CCDC148: variants seen among roughly 807,000 people sequenced by gnomAD.
CCDC148 encodes the protein coiled-coil domain-containing protein 148.
Under a neutral mutation model 85.7 loss-of-function variants are expected in CCDC148, and 89 were observed. The ratio of observed to expected loss-of-function variants is 1.04; its 90% CI spans 0.87 to 1.24. CCDC148 has a LOEUF of 1.24. CCDC148 is among the 50% of genes most tolerant of loss of function. The pLI is 0.00. For missense variants in CCDC148, 692 were observed against 671.7 expected (o/e 1.03, Z -0.33); for synonymous variants, 230 against 213.9 (o/e 1.08, Z -0.66).
At chr2:158,174,764 T>C (rs113214611) in intron 13 of CCDC148, among the ~76,000 whole-genome samples, 2 of 152,038 alleles carry the variant, frequency 1.3e-5, no homozygotes, top group Non-Finnish European at 2.9e-5. Flanking sequence ...TAAGTACTTG[T>C]GAAACTAAAC....
chr2:158,437,167 A>T (rs574353204), intron 1 of CCDC148, among the ~76,000 whole-genome samples: 1 of 152,298 alleles, frequency 6.6e-6, no homozygotes, highest in Non-Finnish European at 1.5e-5. Flanking sequence ...TGGCAGAGAC[A>T]CAACCAAAAA....
chr2:158,390,203 C>T (rs1559114964), intron 1 of CCDC148, among the ~76,000 whole-genome samples: 1 of 152,128 alleles, frequency 6.6e-6, no homozygotes, highest in Non-Finnish European at 1.5e-5. Flanking sequence ...TTGAAACTTA[C>T]ATATTATATG....
Position 158,338,892 on chromosome 2 carries a change from A to C in CCDC148, c.598T>G (p.Leu200Val). The change falls in exon 7 of 14, where the codon TTG becomes GTG. Residue 200 changes from leucine (L) to valine (V), a missense_variant. Physicochemically the swap from Leu to Val is conservative, Grantham distance 32. Coordinates refer to ENST00000283233, the MANE Select transcript of CCDC148 (RefSeq NM_138803.4). Reference sequence around the variant, plus strand: ...CTAAGCGGGTTAGTCTTTTCTTCCAAAGAATGATCTAGAATCTGAAAAAAA... The same window carrying C: ...CTAAGCGGGTTAGTCTTTTCTTCCACAGAATGATCTAGAATCTGAAAAAAA... ...DWSIKILDHS[L>V]EEKTNPLSEL... The C allele has an allele frequency of 1.2e-6, 2 of 1,604,472 alleles. No homozygotes were observed. Among genetic ancestry groups the C allele is most frequent in the Non-Finnish European group, 1.7e-6 (2 of 1,177,506 alleles).
intron 1 of CCDC148, among the ~76,000 whole-genome samples, chr2:158,403,729 A>G (rs1190251169): frequency 6.6e-6 from 1 of 151,874 alleles, no homozygotes; most frequent in Non-Finnish European, 1.5e-5. Flanking sequence ...AACACGAAAC[A>G]CTGTTTTGTC....
chr2:158,228,580 T>C (rs1412548942), intron 10 of CCDC148, among the ~76,000 whole-genome samples: 1 of 152,150 alleles, frequency 6.6e-6, no homozygotes, highest in African/African-American at 2.4e-5. Context: ...AATGATAGAC[T>C]GGATTAAGAT....
intron 7 of CCDC148, among the ~76,000 whole-genome samples, chr2:158,326,321 A>G (rs531122873): frequency 6.6e-6 from 1 of 152,304 alleles, no homozygotes; most frequent in Non-Finnish European, 1.5e-5. Flanking sequence ...ACTTAAAATT[A>G]CAGTCTGCCA....
At chr2:158,172,558 C>G (rs979361438) in intron 13 of CCDC148, among the ~76,000 whole-genome samples, 4 of 152,008 alleles carry the variant, frequency 2.6e-5, no homozygotes, top group African/African-American at 9.7e-5. Context: ...TTCAGTGCTA[C>G]TATTGATTTA....
Position 158,356,560 on chromosome 2 carries a change from T to C in CCDC148, c.147+1889A>G, listed in dbSNP as rs1007691196. Among the ~76,000 whole-genome samples, 1,126 of 152,022 alleles carry C rather than the reference T, an allele frequency of 7.4e-3. 19 individuals are homozygous for C. Among genetic ancestry groups the C allele is most frequent in the African/African-American group, 0.026 (1,074 of 41,416 alleles). ...CATCTCACAACAGTTAGAATGGTGA[T>C]CATTAAAAAGTCAGGAAACAACAGG... On this transcript the variant is annotated intron_variant, in intron 2 of 13. Transcript: ENST00000283233.
chr2:158,243,617 T>C (rs1205611676), intron 10 of CCDC148, among the ~76,000 whole-genome samples: 1 of 152,142 alleles, frequency 6.6e-6, no homozygotes, highest in Admixed American at 6.6e-5. Context: ...AGAAGCACCG[T>C]TGATCTCCCA....
chr2:158,175,919 C>T (rs1236430534), intron 13 of CCDC148, among the ~76,000 whole-genome samples: 1 of 152,022 alleles, frequency 6.6e-6, no homozygotes, highest in African/African-American at 2.4e-5. Context: ...CCTTCCATCC[C>T]TCAATCCATC....
In CCDC148 at chr2:158,394,624, A is replaced by C. The variant is rs374344608; in HGVS notation, c.26-36054T>G. Among the ~76,000 whole-genome samples, 4 of 152,036 alleles carry C rather than the reference A, an allele frequency of 2.6e-5. No homozygotes were observed. The East Asian group carries it at 5.8e-4, about 22-fold the overall frequency. On this transcript the variant is annotated intron_variant, in intron 1 of 13. Coordinates refer to ENST00000283233, the MANE Select transcript of CCDC148 (RefSeq NM_138803.4). Reference sequence around the variant, plus strand: ...CTCACTTCCAGAAGGAAAAAAAAAAACTGTGGAGAAACCCCACATTCCTTG... The same window carrying C: ...CTCACTTCCAGAAGGAAAAAAAAAACCTGTGGAGAAACCCCACATTCCTTG...
In CCDC148 at chr2:158,254,252, G is replaced by A. The variant is rs151043362; in HGVS notation, c.1111-3340C>T. On this transcript the variant is annotated intron_variant, in intron 9 of 13. Coordinates refer to ENST00000283233, the MANE Select transcript of CCDC148 (RefSeq NM_138803.4). ...TTGATGCTATTAAGTTGATGCTATT[G>A]GTTAGTTGATGCTATTAAGGAAATA... 3.3e-3 allele frequency among the ~76,000 whole-genome samples: 494 copies of A among 151,750 alleles called. 3 individuals are homozygous for A. Among genetic ancestry groups the A allele is most frequent in the African/African-American group, 0.012 (483 of 41,494 alleles).
chr2:158,418,866 T>A (rs1686635849), intron 1 of CCDC148, among the ~76,000 whole-genome samples: 1 of 152,052 alleles, frequency 6.6e-6, no homozygotes, highest in Non-Finnish European at 1.5e-5. Flanking sequence ...AACAAATGAG[T>A]GAATCAATGA....
At chr2:158,198,784 T>TGTTA (rs1340933590) in intron 11 of CCDC148, among the ~76,000 whole-genome samples, 1 of 152,238 alleles carries the variant, frequency 6.6e-6, no homozygotes, top group Non-Finnish European at 1.5e-5. Flanking sequence ...AGATTCTGTA[T>TGTTA]GTTACCAGCA....
At chr2:158,406,613 C>CTTTTTTTTTT (rs61612452) in intron 1 of CCDC148, among the ~76,000 whole-genome samples, 6 of 31,462 alleles carry the variant, frequency 1.9e-4, no homozygotes, top group African/African-American at 3.9e-4. Context: ...GATTAAATTT[C>CTTTTTTTTTT]TTTTTTTTTT....
chr2:158,284,785 A>G (rs566330691), intron 9 of CCDC148, among the ~76,000 whole-genome samples: 1 of 152,340 alleles, frequency 6.6e-6, no homozygotes, highest in African/African-American at 2.4e-5. Context: ...ACATGAAGAG[A>G]AAGAACCTGA....
At chr2:158,241,557 C>T (rs1688351100) in intron 10 of CCDC148, among the ~76,000 whole-genome samples, 1 of 152,042 alleles carries the variant, frequency 6.6e-6, no homozygotes, top group Non-Finnish European at 1.5e-5. Flanking sequence ...ATACATGTCA[C>T]AATAAAGGCA....
chr2:158,183,645 G>A (rs149547641), intron 11 of CCDC148, among the ~76,000 whole-genome samples: 113 of 152,218 alleles, frequency 7.4e-4, no homozygotes, highest in African/African-American at 2.5e-3. Flanking sequence ...AACTAGTATG[G>A]AACTCCCCCT....
intron 10 of CCDC148, among the ~76,000 whole-genome samples, chr2:158,240,452 TCACACACACACACACACA>T (rs4028276): frequency 1.7e-5 from 2 of 120,468 alleles, no homozygotes; most frequent in Non-Finnish European, 3.5e-5. Flanking sequence ...TCTCTCTCTC[TCACACACACACACACACA>T]CACACACACA....
Sources: allele counts gnomAD v4.1 joint callset (sites outside exome capture counted in the v4.1 genomes callset), GRCh38; gene constraint gnomAD v4.1.1; transcripts MANE v1.5; gene names NCBI Gene and HGNC (gene_info 2026-07-23, HGNC 2026-07-21).